PRKCB: variants seen among roughly 807,000 people sequenced by gnomAD.
PRKCB encodes protein kinase C beta type.
Under a neutral mutation model 81.5 loss-of-function variants are expected in PRKCB, and 13 were observed. The ratio of observed to expected loss-of-function variants is 0.16; its 90% CI spans 0.10 to 0.25. The LOEUF is 0.25. Among genes scored for constraint, PRKCB ranks in the 10% least tolerant of loss-of-function variants. The pLI, the probability that PRKCB is intolerant of heterozygous loss-of-function variation, is 1.00. For missense variants in PRKCB, 509 were observed against 875.7 expected (o/e 0.58, Z 5.29); for synonymous variants, 335 against 321.4 (o/e 1.04, Z -0.45).
At chr16:23,945,129 G>A (rs1964187208) in intron 2 of PRKCB, among the ~76,000 whole-genome samples, 1 of 152,150 alleles carries the variant, frequency 6.6e-6, no homozygotes, top group Non-Finnish European at 1.5e-5. Flanking sequence ...AAAGGGCTAG[G>A]GGAACGGGAC....
intron 2 of PRKCB, among the ~76,000 whole-genome samples, chr16:23,936,438 A>G (rs1383367137): frequency 6.6e-6 from 1 of 152,090 alleles, no homozygotes; most frequent in Non-Finnish European, 1.5e-5. Context: ...TATTTGAGAC[A>G]GGGTCTCGCT....
At chr16:23,979,275 C>T (rs1273667216) in intron 2 of PRKCB, among the ~76,000 whole-genome samples, 5 of 152,186 alleles carry the variant, frequency 3.3e-5, no homozygotes, top group Non-Finnish European at 7.3e-5. Context: ...GGCAGCTCAG[C>T]TGTAGAGCTT....
At chr16:24,140,944 A>C (rs364685) in intron 9 of PRKCB, among the ~76,000 whole-genome samples, 48,197 of 152,084 alleles carry the variant, frequency 0.32, 7,877 homozygotes, top group South Asian at 0.46. Context: ...GCCCAAGTCC[A>C]GAAATGACTA....
chr16:24,218,704 GTGATGGCTCAAACGC>G lies in PRKCB; in HGVS notation c.*3890_*3904del. ...GGGGGCTAAACCTAAAGCCTGGGTG[GTGATGGCTCAAACGC>G]TAATGAGTCAGTGAATCCTTACCGA... On this transcript the variant is annotated 3_prime_UTR_variant, in exon 17 of 17. Coordinates refer to ENST00000643927, the MANE Select transcript of PRKCB (RefSeq NM_002738.7). 1 of 985,478 alleles carries G rather than the reference GTGATGGCTCAAACGC, an allele frequency of 1.0e-6. No individual in the cohort carries two copies. The highest frequency in any genetic ancestry group is 1.2e-6 in the Non-Finnish European group (1 of 829,968). The allele number at this position is 985,478 out of a possible 1,614,324, so 61.0% of individuals were successfully genotyped here.
intron 2 of PRKCB, among the ~76,000 whole-genome samples, chr16:23,958,939 A>G (rs955855850): frequency 3.1e-4 from 47 of 152,074 alleles, no homozygotes; most frequent in African/African-American, 1.0e-3. Flanking sequence ...CCTTTGTTCA[A>G]ATCCTGGTTT....
intron 9 of PRKCB, among the ~76,000 whole-genome samples, chr16:24,147,518 C>T (rs1967013249): frequency 6.6e-6 from 1 of 151,980 alleles, no homozygotes; most frequent in Non-Finnish European, 1.5e-5. Context: ...CTCATCTCGC[C>T]AAGCAAATGT....
At chr16:23,981,769 T>C (rs1163568078) in intron 2 of PRKCB, among the ~76,000 whole-genome samples, 2 of 37,860 alleles carry the variant, frequency 5.3e-5, no homozygotes, top group Non-Finnish European at 9.5e-5. Context: ...CCCTTCCCCT[T>C]CCCTTCCCCT....
chr16:24,114,045 A>G (rs1596554248), intron 8 of PRKCB, among the ~76,000 whole-genome samples: 1 of 151,570 alleles, frequency 6.6e-6, no homozygotes, highest in East Asian at 2.0e-4. Flanking sequence ...GGTTAAACCC[A>G]GTCTCTACTA....
intron 2 of PRKCB, among the ~76,000 whole-genome samples, chr16:23,951,857 GA>G (rs1964289182): frequency 6.6e-6 from 1 of 151,958 alleles, no homozygotes; most frequent in South Asian, 2.1e-4. Context: ...TGTAATACAG[GA>G]ACGTCACACT....
rs1209126404 is a variant in PRKCB, at chr16:23,926,467, G to C, written c.206-62041G>C. Reference sequence around the variant, plus strand: ...CCACTGCACTCCAGCCTGGGCGACAGAGTGAGACTGTTTCAAAAAAAATAA... The same window carrying C: ...CCACTGCACTCCAGCCTGGGCGACACAGTGAGACTGTTTCAAAAAAAATAA... On this transcript the variant is annotated intron_variant, in intron 2 of 16. Coordinates refer to ENST00000643927, the MANE Select transcript of PRKCB (RefSeq NM_002738.7). Among the ~76,000 whole-genome samples the C allele has an allele frequency of 8.9e-4, 9 of 10,156 alleles. No homozygotes were observed. The East Asian group carries it at 0.38, about 423-fold the overall frequency. 6.7% of individuals were successfully genotyped at this position (10,156 alleles called of 152,430 possible).
intron 13 of PRKCB, among the ~76,000 whole-genome samples, chr16:24,183,051 G>A (rs911679004): frequency 1.3e-5 from 2 of 151,862 alleles, no homozygotes; most frequent in African/African-American, 2.4e-5. Flanking sequence ...TAGTAGAGAC[G>A]GGGTTTCACC....
chr16:23,891,047 T>TATATATA (rs144479978), intron 2 of PRKCB, among the ~76,000 whole-genome samples: 16,596 of 145,090 alleles, frequency 0.11, 984 homozygotes, highest in Middle Eastern at 0.19. Context: ...TGTGTATATA[T>TATATATA]ATATATAATT....
intron 2 of PRKCB, among the ~76,000 whole-genome samples, chr16:23,863,831 A>C (rs919593515): frequency 6.6e-6 from 1 of 152,158 alleles, no homozygotes; most frequent in Non-Finnish European, 1.5e-5. Flanking sequence ...AATGTGCCTG[A>C]TTTGGTAATC....
chr16:23,985,340 G>T (rs1424724839), intron 2 of PRKCB, among the ~76,000 whole-genome samples: 1 of 152,074 alleles, frequency 6.6e-6, no homozygotes, highest in African/African-American at 2.4e-5. Context: ...CAAGTGATCT[G>T]CCTGCCTCAG....
intron 5 of PRKCB, among the ~76,000 whole-genome samples, chr16:24,070,506 T>C (rs1966094242): frequency 6.6e-6 from 1 of 152,130 alleles, no homozygotes; most frequent in African/African-American, 2.4e-5. Flanking sequence ...ATATGAAATA[T>C]ATAGAAAATA....
chr16:24,196,326 T>C (rs1719361036), intron 16 of PRKCB, among the ~76,000 whole-genome samples: 1 of 152,232 alleles, frequency 6.6e-6, no homozygotes, highest in Non-Finnish European at 1.5e-5. Flanking sequence ...GGTGTTTTTC[T>C]TATGTACAGC....
At chr16:23,839,876 C>G (rs1230413782) in intron 2 of PRKCB, among the ~76,000 whole-genome samples, 1 of 152,164 alleles carries the variant, frequency 6.6e-6, no homozygotes, top group Non-Finnish European at 1.5e-5. Flanking sequence ...TTATGATTGT[C>G]CCCAGACTAC....
chr16:23,911,018 A>C (rs1191187255), intron 2 of PRKCB, among the ~76,000 whole-genome samples: 1 of 151,296 alleles, frequency 6.6e-6, no homozygotes, highest in Admixed American at 6.6e-5. Flanking sequence ...TGGTTAGATC[A>C]CTTTCCATTG....
Position 24,215,580 on chromosome 16 carries a change from T to C in PRKCB, c.*764T>C, listed in dbSNP as rs1020931501. ...GCAAGGCCCCCAAAGGGCCCTGGTT[T>C]TACATTACATTTCAAACTTTATTTG... On this transcript the variant is annotated 3_prime_UTR_variant, in exon 17 of 17. Coordinates refer to ENST00000643927, the MANE Select transcript of PRKCB (RefSeq NM_002738.7). The C allele has an allele frequency of 7.1e-6, 7 of 985,630 alleles. No homozygotes were observed. The highest frequency in any genetic ancestry group is 8.4e-6 in the Non-Finnish European group (7 of 829,886). The allele number at this position is 985,630 out of a possible 1,614,324, so 61.1% of individuals were successfully genotyped here. A position where few individuals can be genotyped will look rare whatever the true frequency, so the allele number is the denominator to read the frequency against.
Sources: gnomAD v4.1 joint callset for allele counts (sites outside exome capture counted in the v4.1 genomes callset) on GRCh38, gnomAD v4.1.1 for gene constraint, MANE v1.5 for transcripts, NCBI Gene and HGNC (gene_info 2026-07-23, HGNC 2026-07-21) for gene names.